RSRC1: variants seen among roughly 807,000 people sequenced by gnomAD.
RSRC1 encodes arginine and serine rich coiled-coil 1.
Under a neutral mutation model 49.1 loss-of-function variants are expected in RSRC1, and 39 were observed. That is an observed-to-expected ratio of 0.79 (90% CI 0.61 to 1.04). The LOEUF (loss-of-function observed/expected upper bound fraction) is 1.04. RSRC1 is among the 50% of genes least tolerant of loss of function. The probability of loss-of-function intolerance (pLI) is 0.00; values close to 1 mark genes in which losing one functional copy is unlikely to be tolerated. For synonymous variants in RSRC1, 143 were observed against 130.8 expected (o/e 1.09, Z -0.63); for missense variants, 388 against 402.4 (o/e 0.96, Z 0.31).
chr3:158,325,865 G>T (rs1454612895), intron 5 of RSRC1, among the ~76,000 whole-genome samples: 1 of 152,160 alleles, frequency 6.6e-6, no homozygotes, highest in Non-Finnish European at 1.5e-5. Context: ...CCATGAGCAT[G>T]GAATGTTCTT....
intron 3 of RSRC1, among the ~76,000 whole-genome samples, chr3:158,189,377 C>T (rs893995225): frequency 7.2e-5 from 11 of 151,798 alleles, no homozygotes; most frequent in South Asian, 2.1e-4. Context: ...GTTACAAATC[C>T]ACAATCAAGA....
intron 4 of RSRC1, among the ~76,000 whole-genome samples, chr3:158,280,167 C>T (rs755208531): frequency 2.0e-5 from 3 of 151,930 alleles, no homozygotes; most frequent in Non-Finnish European, 2.9e-5. Flanking sequence ...CAAAGCTCAC[C>T]GAATTTGGAA....
At chr3:158,477,788 C>T (rs779760740) in intron 7 of RSRC1, among the ~76,000 whole-genome samples, 10 of 65,934 alleles carry the variant, frequency 1.5e-4, no homozygotes, top group South Asian at 7.3e-4. Context: ...GGATAGGTTG[C>T]GGGAGGGATT....
At position 158,226,939 on chromosome 3, in the gene RSRC1, G is replaced by A. The variant is rs1015136127; in HGVS notation, c.494+23694G>A. Reference sequence around the variant, plus strand: ...TTGAGAAATATTTTCATGTATTAGCGTTTTTGGCCTTTTTTCTGTACTGCC... The same window carrying A: ...TTGAGAAATATTTTCATGTATTAGCATTTTTGGCCTTTTTTCTGTACTGCC... On this transcript the variant is annotated intron_variant, in intron 4 of 9. Transcript: ENST00000611884. Among the ~76,000 whole-genome samples, 6 of 151,694 alleles carry A rather than the reference G, an allele frequency of 4.0e-5. 1 individual carries two copies. Among genetic ancestry groups the A allele is most frequent in the African/African-American group, 4.8e-5 (2 of 41,320 alleles).
At chr3:158,209,758 T>C (rs552347474) in intron 4 of RSRC1, among the ~76,000 whole-genome samples, 11 of 152,150 alleles carry the variant, frequency 7.2e-5, no homozygotes, top group Non-Finnish European at 1.5e-4. Context: ...TTTATACTTT[T>C]TGAGAGAGGT....
At chr3:158,394,043 A>G (rs1431945407) in intron 6 of RSRC1, among the ~76,000 whole-genome samples, 1 of 152,164 alleles carries the variant, frequency 6.6e-6, no homozygotes, top group African/African-American at 2.4e-5. Context: ...AAACAGAACT[A>G]AAACAGAAAC....
intron 3 of RSRC1, among the ~76,000 whole-genome samples, chr3:158,130,130 G>A (rs1453082479): frequency 6.6e-6 from 1 of 152,120 alleles, no homozygotes; most frequent in Non-Finnish European, 1.5e-5. Context: ...ACAGATGGCT[G>A]TCTTCTTCTT....
chr3:158,452,483 T>C (rs576865954), intron 6 of RSRC1, among the ~76,000 whole-genome samples: 11 of 152,302 alleles, frequency 7.2e-5, no homozygotes, highest in South Asian at 2.1e-4. Context: ...TTTACACATA[T>C]GTGAAATGAT....
At chr3:158,518,432 C>G (rs1740724881) in intron 7 of RSRC1, among the ~76,000 whole-genome samples, 1 of 142,204 alleles carries the variant, frequency 7.0e-6, no homozygotes, top group Non-Finnish European at 1.5e-5. Flanking sequence ...TACTATAACT[C>G]TTCATTTTGG....
At chr3:158,347,778 T>C (rs1730635870) in intron 5 of RSRC1, among the ~76,000 whole-genome samples, 1 of 152,206 alleles carries the variant, frequency 6.6e-6, no homozygotes, top group African/African-American at 2.4e-5. Context: ...GGTCTTGAAC[T>C]CATGGCTTCA....
At chr3:158,404,280 A>AT (rs1734042221) in intron 6 of RSRC1, among the ~76,000 whole-genome samples, 1 of 151,862 alleles carries the variant, frequency 6.6e-6, no homozygotes, top group Admixed American at 6.6e-5. Flanking sequence ...GAGCACATTC[A>AT]TTTTCTCTTA....
At chr3:158,408,648 C>G (rs897327730) in intron 6 of RSRC1, among the ~76,000 whole-genome samples, 2 of 152,134 alleles carry the variant, frequency 1.3e-5, no homozygotes, top group South Asian at 4.1e-4. Flanking sequence ...AAAATATGTC[C>G]TATGCAGGGA....
chr3:158,258,708 G>C (rs1243553346), intron 4 of RSRC1, among the ~76,000 whole-genome samples: 1 of 151,990 alleles, frequency 6.6e-6, no homozygotes, highest in Non-Finnish European at 1.5e-5. Context: ...CTATTTTCTG[G>C]ATCTTGTAGG....
intron 7 of RSRC1, among the ~76,000 whole-genome samples, chr3:158,534,093 T>C (rs1003564095): frequency 3.3e-5 from 5 of 151,588 alleles, no homozygotes; most frequent in African/African-American, 1.2e-4. Context: ...TGGTGGCTGC[T>C]ACTTGCAAGC....
intron 4 of RSRC1, among the ~76,000 whole-genome samples, chr3:158,278,459 G>T (rs762693471): frequency 6.6e-6 from 1 of 152,110 alleles, no homozygotes; most frequent in Non-Finnish European, 1.5e-5. Flanking sequence ...ATATTCTCAT[G>T]TTCTATGCAT....
At chr3:158,334,117 AAAG>A (rs1367784173) in intron 5 of RSRC1, among the ~76,000 whole-genome samples, 1 of 152,202 alleles carries the variant, frequency 6.6e-6, no homozygotes, top group Non-Finnish European at 1.5e-5. Context: ...GGCAGCAAAA[AAAG>A]AAGGCTATAA....
intron 3 of RSRC1, among the ~76,000 whole-genome samples, chr3:158,146,751 T>C (rs996628814): frequency 3.3e-5 from 5 of 152,274 alleles, no homozygotes; most frequent in African/African-American, 1.2e-4. Flanking sequence ...TGTGAATCCA[T>C]CTGGTCCTGG....
chr3:158,112,891 C>T (rs189064149), intron 1 of RSRC1, among the ~76,000 whole-genome samples: 14 of 152,172 alleles, frequency 9.2e-5, no homozygotes, highest in Non-Finnish European at 1.5e-4. Flanking sequence ...TGAGAATATG[C>T]GGTGTTTGGT....
chr3:158,186,510 T>G (rs1719939824), intron 3 of RSRC1, among the ~76,000 whole-genome samples: 1 of 152,000 alleles, frequency 6.6e-6, no homozygotes, highest in African/African-American at 2.4e-5. Flanking sequence ...GATTTTTAGA[T>G]AGGAAAGTTA....
Sources: allele counts gnomAD v4.1 joint callset (sites outside exome capture counted in the v4.1 genomes callset), GRCh38; gene constraint gnomAD v4.1.1; transcripts MANE v1.5; gene names NCBI Gene and HGNC (gene_info 2026-07-23, HGNC 2026-07-21).